Variants in MAJIN observed in about 807,000 individuals in gnomAD.
MAJIN encodes the protein membrane-anchored junction protein.
In MAJIN, 27 loss-of-function variants were observed where a neutral mutation model predicts 30.2. That is an observed-to-expected ratio of 0.89 (90% CI 0.66 to 1.23). MAJIN has a LOEUF of 1.23. MAJIN is among the 50% of genes most tolerant of loss of function. The pLI is 0.00. For missense variants in MAJIN, 253 were observed against 260.3 expected (o/e 0.97, Z 0.19); for synonymous variants, 78 against 91.6 (o/e 0.85, Z 0.85).
chr11:64,966,163 A>AAAAAAAAAAAC, intron 1 of MAJIN, among the ~76,000 whole-genome samples: 1 of 150,656 alleles, frequency 6.6e-6, no homozygotes, highest in African/African-American at 2.4e-5. Flanking sequence ...AAAAAAAAAA[A>AAAAAAAAAAAC]AAGCAGCAGC....
intron 1 of MAJIN, 98 bp from the exon 2 acceptor site, chr11:64,960,233 C>A (rs1213164869): frequency 6.6e-6 from 1 of 152,106 alleles, no homozygotes; most frequent in Admixed American, 6.6e-5. Context: ...TACATCAGTA[C>A]AAGTATAAAA....
chr11:64,961,001 G>GA (rs1212813839), intron 1 of MAJIN, among the ~76,000 whole-genome samples: 1 of 152,172 alleles, frequency 6.6e-6, no homozygotes, highest in Non-Finnish European at 1.5e-5. Flanking sequence ...CATATCCTGA[G>GA]AAAAAACTGA....
At chr11:64,961,285 A>C (rs1388832823) in intron 1 of MAJIN, among the ~76,000 whole-genome samples, 2 of 149,972 alleles carry the variant, frequency 1.3e-5, no homozygotes, top group Non-Finnish European at 3.0e-5. Context: ...CTCCTGCCTC[A>C]GCCTCCCGAG....
At chr11:64,938,649 C>T in intron 10 of MAJIN, 76 bp from the exon 11 acceptor site, 2 of 1,471,672 alleles carry the variant, frequency 1.4e-6, no homozygotes, top group Non-Finnish European at 9.2e-7. Flanking sequence ...ATTAGTGCTT[C>T]ACTAGCTAGG....
chr11:64,970,391 G>C (rs1378035648), intron 1 of MAJIN, among the ~76,000 whole-genome samples: 2 of 108,128 alleles, frequency 1.8e-5, no homozygotes, highest in Admixed American at 9.7e-5. Flanking sequence ...TTTTGAGACG[G>C]AGTCTTGTTC....
intron 1 of MAJIN, among the ~76,000 whole-genome samples, chr11:64,969,914 G>A (rs1218831500): frequency 6.6e-6 from 1 of 152,116 alleles, no homozygotes; most frequent in African/African-American, 2.4e-5. Flanking sequence ...CAGGAGCCTT[G>A]GAAAGTAAAT....
At chr11:64,941,009 T>A (rs920578103) in intron 8 of MAJIN, among the ~76,000 whole-genome samples, 2 of 151,846 alleles carry the variant, frequency 1.3e-5, no homozygotes, top group Admixed American at 6.6e-5. Flanking sequence ...CGGCTAATTT[T>A]TTGTATTTTT....
At chr11:64,964,444 C>A (rs912937533) in intron 1 of MAJIN, among the ~76,000 whole-genome samples, 1 of 152,270 alleles carries the variant, frequency 6.6e-6, no homozygotes, top group African/African-American at 2.4e-5. Context: ...AAGATTAGCC[C>A]CTCAAGATTG....
At position 64,950,449 on chromosome 11, in the gene MAJIN, A is replaced by G. The variant is rs1174104196; in HGVS notation, c.148-19T>C. 1.9e-6 allele frequency: 3 copies of G among 1,607,728 alleles called. No individual in the cohort carries two copies. Among genetic ancestry groups the G allele is most frequent in the African/African-American group, 2.7e-5 (2 of 74,758 alleles). ...CAGAATCCTGAAAAACATATTTGAA[A>G]TGACTTTAACACTGTTGAGTCTCAG... On this transcript the variant is annotated intron_variant, in intron 4 of 10. Transcript: ENST00000301896.
chr11:64,938,567 G>A lies in MAJIN; in HGVS notation c.*8C>T. 1.3e-6 allele frequency: 2 copies of A among 1,535,896 alleles called. No homozygotes were observed. The highest frequency in any genetic ancestry group is 1.7e-6 in the Non-Finnish European group (2 of 1,146,754). ...TCCTGAAGAAATATCGAAACGGGAA[G>A]AGAGAGCTGCAAGAATGAGAACAGA... On this transcript the variant is annotated 3_prime_UTR_variant, in exon 11 of 11. Transcript: ENST00000301896.
At position 64,944,495 on chromosome 11, in the gene MAJIN, C is replaced by T. The variant is rs189060646; in HGVS notation, c.473+2879G>A. ...GCAACATGGCAAAACCCCATCTCTA[C>T]AAAAAATACAAAAATTAGCCAGGTG... is the stretch of plus-strand genomic sequence containing the variant. On this transcript the variant is annotated intron_variant, in intron 8 of 10. Transcript: ENST00000301896. 5.3e-4 allele frequency among the ~76,000 whole-genome samples: 80 copies of T among 152,226 alleles called. 2 individuals are homozygous for T. The East Asian group carries it at 0.013, about 25-fold the overall frequency.
At position 64,972,001 on chromosome 11, in the gene MAJIN, G is replaced by A. The variant is rs1200545146; in HGVS notation, c.-189C>T. ...TAAGAAGTGCTCTCTGAAAAAGGCG[G>A]GCGCCAACCTCGAACGAAGTCGTTT... is the stretch of plus-strand genomic sequence containing the variant. On this transcript the variant is annotated 5_prime_UTR_variant, in exon 1 of 11. Transcript: ENST00000301896. The A allele has an allele frequency of 1.3e-5, 2 of 152,202 alleles. No individual in the cohort carries two copies. The highest frequency in any genetic ancestry group is 2.9e-5 in the Non-Finnish European group (2 of 68,044). The allele number at this position is 152,202 out of a possible 1,614,324, so 9.4% of individuals were successfully genotyped here.
At chr11:64,947,521 A>G in intron 7 of MAJIN, 56 bp from the exon 8 acceptor site, 3 of 1,533,442 alleles carry the variant, frequency 2.0e-6, no homozygotes, top group Non-Finnish European at 2.7e-6. Context: ...CTCACAGTTC[A>G]TGAAGGCACA....
intron 4 of MAJIN, among the ~76,000 whole-genome samples, chr11:64,951,116 T>C (rs1162046455): frequency 6.6e-6 from 1 of 152,184 alleles, no homozygotes; most frequent in Admixed American, 6.5e-5. Context: ...TATTCCTTAC[T>C]GGGAGATCTA....
At chr11:64,963,564 G>T (rs1033111722) in intron 1 of MAJIN, among the ~76,000 whole-genome samples, 1 of 152,138 alleles carries the variant, frequency 6.6e-6, no homozygotes, top group East Asian at 1.9e-4. Context: ...TGGGCTGGGC[G>T]CAGTGGCTCA....
chr11:64,961,207 A>AC (rs1312239680), intron 1 of MAJIN, among the ~76,000 whole-genome samples: 1 of 149,146 alleles, frequency 6.7e-6, no homozygotes, highest in Non-Finnish European at 1.5e-5. Flanking sequence ...TCACTCTGTC[A>AC]CCCAGGCTGG....
intron 8 of MAJIN, among the ~76,000 whole-genome samples, chr11:64,944,444 A>G (rs1367144231): frequency 6.6e-6 from 1 of 152,216 alleles, no homozygotes; most frequent in Non-Finnish European, 1.5e-5. Context: ...TAGACACTCA[A>G]TGAAAATTTG....
chr11:64,947,821 T>C lies in MAJIN; in HGVS notation c.350-2A>G, dbSNP rs1945474310. 6.2e-7 allele frequency: 1 copy of C among 1,604,952 alleles called. No homozygotes were observed. The highest frequency in any genetic ancestry group is 8.5e-7 in the Non-Finnish European group (1 of 1,172,740). On this transcript the variant is annotated splice_acceptor_variant, in intron 6 of 10. Transcript: ENST00000301896. LOFTEE classifies it high-confidence loss of function. ...GAGGACTGTCACTTATTGGTTTCCC[T>C]ACAATAGGAAATTTGAGTGTCATAA...
intron 8 of MAJIN, among the ~76,000 whole-genome samples, chr11:64,947,009 C>G (rs1464823377): frequency 6.6e-6 from 1 of 152,130 alleles, no homozygotes; most frequent in Non-Finnish European, 1.5e-5. Context: ...TGTTCTTACT[C>G]CTTCAAGAGT....
Sources: gnomAD v4.1 joint callset for allele counts (sites outside exome capture counted in the v4.1 genomes callset) on GRCh38, gnomAD v4.1.1 for gene constraint, MANE v1.5 for transcripts, NCBI Gene and HGNC (gene_info 2026-07-23, HGNC 2026-07-21) for gene names.